The following GRIK2 variants were observed in gnomAD, a reference collection of about 807,000 sequenced individuals.
The protein encoded by GRIK2 is glutamate ionotropic receptor kainate type subunit 2.
In GRIK2, 32 loss-of-function variants were observed where a neutral mutation model predicts 100.3. The ratio of observed to expected loss-of-function variants is 0.32; its 90% CI spans 0.24 to 0.43. The LOEUF (loss-of-function observed/expected upper bound fraction) is 0.43. Among genes scored for constraint, GRIK2 ranks in the 20% least tolerant of loss-of-function variants. GRIK2 has a pLI of 1.00. For synonymous variants in GRIK2, 417 were observed against 389.4 expected, an observed-to-expected ratio of 1.07 and a Z score of -0.83; for missense variants, 843 against 1,114.9, an observed-to-expected ratio of 0.76 and a Z score of 3.47.
intron 7 of GRIK2, among the ~76,000 whole-genome samples, chr6:101,758,111 T>A (rs1237479819): frequency 6.6e-6 from 1 of 152,036 alleles, no homozygotes; most frequent in Non-Finnish European, 1.5e-5. Flanking sequence ...TAGTCCCAGC[T>A]ACTTGGGAGG....
chr6:101,435,386 AT>A (rs367634710), intron 2 of GRIK2, among the ~76,000 whole-genome samples: 87,506 of 140,834 alleles, frequency 0.62, 26,926 homozygotes, highest in African/African-American at 0.75. Context: ...GCACACGGTG[AT>A]TTTTTTTTTT....
intron 4 of GRIK2, among the ~76,000 whole-genome samples, chr6:101,657,793 A>T (rs1411235136): frequency 6.6e-6 from 1 of 151,420 alleles, no homozygotes; most frequent in Non-Finnish European, 1.5e-5. Flanking sequence ...AAGGGTGTAA[A>T]TTTTTTTTTC....
At chr6:101,484,538 TACACACAC>T (rs138774364) in intron 2 of GRIK2, among the ~76,000 whole-genome samples, 38 of 148,028 alleles carry the variant, frequency 2.6e-4, no homozygotes, top group African/African-American at 7.5e-5. Context: ...TATATGTAAC[TACACACAC>T]ACACACACAC....
chr6:101,594,899 T>C (rs1334774599), intron 2 of GRIK2, among the ~76,000 whole-genome samples: 2 of 151,654 alleles, frequency 1.3e-5, no homozygotes, highest in Non-Finnish European at 2.9e-5. Flanking sequence ...TTTTCTTATG[T>C]TGTTTTATAC....
At chr6:101,844,267 G>A (rs1424861393) in intron 10 of GRIK2, among the ~76,000 whole-genome samples, 1 of 151,968 alleles carries the variant, frequency 6.6e-6, no homozygotes, top group African/African-American at 2.4e-5. Flanking sequence ...GTGCTTAAGG[G>A]GAAAATTATC....
chr6:101,480,611 C>G (rs1231669347), intron 2 of GRIK2, among the ~76,000 whole-genome samples: 1 of 152,090 alleles, frequency 6.6e-6, no homozygotes, highest in East Asian at 1.9e-4. Context: ...AATTTCCTCC[C>G]TAATGGAAAT....
chr6:101,628,425 A>G (rs990229381), intron 4 of GRIK2, among the ~76,000 whole-genome samples: 1 of 152,108 alleles, frequency 6.6e-6, no homozygotes, highest in African/African-American at 2.4e-5. Flanking sequence ...AGAGTCCTTA[A>G]AAATAAGTAT....
chr6:101,470,685 G>A (rs1771901697), intron 2 of GRIK2, among the ~76,000 whole-genome samples: 1 of 152,056 alleles, frequency 6.6e-6, no homozygotes, highest in Admixed American at 6.6e-5. Flanking sequence ...CAGACTTTGT[G>A]AGTCTTTGTC....
chr6:101,926,498 A>G (rs1219699288), intron 13 of GRIK2, among the ~76,000 whole-genome samples: 3 of 152,178 alleles, frequency 2.0e-5, no homozygotes, highest in African/African-American at 7.2e-5. Context: ...ATTTTAAAAA[A>G]ATATTTGGAG....
intron 2 of GRIK2, among the ~76,000 whole-genome samples, chr6:101,532,022 T>C (rs1444793103): frequency 6.6e-6 from 1 of 151,918 alleles, no homozygotes; most frequent in African/African-American, 2.4e-5. Flanking sequence ...AACCTAAGTA[T>C]TGTTTTTATT....
intron 2 of GRIK2, among the ~76,000 whole-genome samples, chr6:101,441,492 G>C (rs1048884637): frequency 6.6e-6 from 1 of 152,222 alleles, no homozygotes; most frequent in African/African-American, 2.4e-5. Flanking sequence ...GTATATGCTT[G>C]TGCTACCCAG....
intron 7 of GRIK2, among the ~76,000 whole-genome samples, chr6:101,735,014 ATGG>A (rs1775539432): frequency 6.6e-6 from 1 of 152,296 alleles, no homozygotes; most frequent in Admixed American, 6.5e-5. Flanking sequence ...GGGATCAATA[ATGG>A]TGGCCAGTGG....
At chr6:101,972,354 T>C (rs779580539) in intron 14 of GRIK2, among the ~76,000 whole-genome samples, 1 of 152,018 alleles carries the variant, frequency 6.6e-6, no homozygotes, top group Non-Finnish European at 1.5e-5. Context: ...TGATGACTAG[T>C]GGTGATGAAC....
At chr6:101,584,830 A>G (rs1486943479) in intron 2 of GRIK2, among the ~76,000 whole-genome samples, 1 of 18,992 alleles carries the variant, frequency 5.3e-5, no homozygotes, top group African/African-American at 2.1e-4. Flanking sequence ...CTATGTACAC[A>G]CATACACATC....
At chr6:101,860,112 C>T (rs1784651923) in intron 11 of GRIK2, among the ~76,000 whole-genome samples, 1 of 151,956 alleles carries the variant, frequency 6.6e-6, no homozygotes, top group Non-Finnish European at 1.5e-5. Flanking sequence ...TTGGTATGAT[C>T]TTTCAAATTC....
intron 2 of GRIK2, among the ~76,000 whole-genome samples, chr6:101,485,740 A>G (rs941235845): frequency 1.3e-5 from 2 of 152,162 alleles, no homozygotes; most frequent in Non-Finnish European, 1.5e-5. Flanking sequence ...TTTAATATGA[A>G]TATTTCTTTT....
intron 7 of GRIK2, among the ~76,000 whole-genome samples, chr6:101,784,090 G>T (rs1583141521): frequency 1.3e-5 from 2 of 152,222 alleles, no homozygotes; most frequent in East Asian, 1.9e-4. Context: ...AAGTAACGAG[G>T]AGCGGAATGT....
chr6:102,021,932 G>A (rs1035349747), intron 14 of GRIK2, among the ~76,000 whole-genome samples: 6 of 147,580 alleles, frequency 4.1e-5, no homozygotes, highest in African/African-American at 1.5e-4. Context: ...CAAACACAAC[G>A]TGGCCAGGAT....
chr6:101,765,484 AT>A (rs11418614), intron 7 of GRIK2, among the ~76,000 whole-genome samples: 5 of 151,252 alleles, frequency 3.3e-5, no homozygotes, highest in East Asian at 1.9e-4. Flanking sequence ...TGGACACATC[AT>A]TTTTTTTTCT....
Sources: gnomAD v4.1 joint callset for allele counts (sites outside exome capture counted in the v4.1 genomes callset) on GRCh38, gnomAD v4.1.1 for gene constraint, MANE v1.5 for transcripts, NCBI Gene and HGNC (gene_info 2026-07-23, HGNC 2026-07-21) for gene names.